The following FHL2 variants were observed in gnomAD, a reference collection of about 807,000 sequenced individuals.
FHL2 encodes four and a half LIM domains protein 2.
Under a neutral mutation model 32.7 loss-of-function variants are expected in FHL2, and 20 were observed. The ratio of observed to expected loss-of-function variants is 0.61; its 90% CI spans 0.43 to 0.89. The LOEUF (loss-of-function observed/expected upper bound fraction) is 0.89, where lower values mean the gene tolerates loss of function less well. Among genes scored for constraint, FHL2 ranks in the 40% least tolerant of loss-of-function variants. The pLI is 0.00. For synonymous variants in FHL2, 123 were observed against 128.1 expected (o/e 0.96, Z 0.27); for missense variants, 311 against 358.6 (o/e 0.87, Z 1.07).
At chr2:105,366,189 G>A (rs1053102331) in intron 5 of FHL2, among the ~76,000 whole-genome samples, 2 of 151,878 alleles carry the variant, frequency 1.3e-5, no homozygotes, top group African/African-American at 4.8e-5. Flanking sequence ...CAGCCTGGGC[G>A]ACAGTGTGAG....
rs1238973061 is a variant in FHL2, at chr2:105,367,566, A to G, written c.501+4T>C. On this transcript the variant is annotated splice_donor_region_variant and intron_variant, in intron 5 of 6. Transcript: ENST00000530340. ...TGCAAGGGCCAAGGGGGCATCTGAG[A>G]TACCTTTTTGCACTGAACGCACTGC... is the stretch of plus-strand genomic sequence containing the variant. 1.2e-6 allele frequency: 2 copies of G among 1,609,714 alleles called. No individual in the cohort carries two copies. Among genetic ancestry groups the G allele is most frequent in the Non-Finnish European group, 1.7e-6 (2 of 1,177,016 alleles).
At chr2:105,386,324 G>A in intron 3 of FHL2, 37 bp downstream of exon 3, 2 of 1,606,012 alleles carry the variant, frequency 1.2e-6, no homozygotes, top group Non-Finnish European at 1.7e-6. Context: ...GTTTCCTAGG[G>A]GAGCGCCGGG....
intron 1 of FHL2, among the ~76,000 whole-genome samples, chr2:105,425,888 G>A (rs1448654415): frequency 6.6e-6 from 1 of 152,066 alleles, no homozygotes; most frequent in Non-Finnish European, 1.5e-5. Flanking sequence ...AAAAACTGAG[G>A]GAATTCAGAG....
chr2:105,395,470 C>A (rs1029260241), intron 2 of FHL2, among the ~76,000 whole-genome samples: 1 of 152,148 alleles, frequency 6.6e-6, no homozygotes, highest in African/African-American at 2.4e-5. Context: ...TGCCTATGAC[C>A]CCCACCCCCA....
chr2:105,374,915 T>C (rs1294152607), intron 3 of FHL2, among the ~76,000 whole-genome samples: 1 of 152,100 alleles, frequency 6.6e-6, no homozygotes, highest in Non-Finnish European at 1.5e-5. Flanking sequence ...AGGCTTCCAG[T>C]TGGTAGGTAT....
chr2:105,402,861 G>T (rs571694550), upstream of FHL2, among the ~76,000 whole-genome samples: 2 of 152,238 alleles, frequency 1.3e-5, no homozygotes, highest in East Asian at 3.8e-4. Context: ...ATAAATATGT[G>T]TATTGAATAA....
At chr2:105,397,585 T>G (rs1683227899) in intron 1 of FHL2, among the ~76,000 whole-genome samples, 1 of 152,184 alleles carries the variant, frequency 6.6e-6, no homozygotes, top group African/African-American at 2.4e-5. Flanking sequence ...AGACAGAACC[T>G]ATGTGCCCAG....
chr2:105,385,210 C>T (rs764860160), intron 3 of FHL2, among the ~76,000 whole-genome samples: 1 of 152,206 alleles, frequency 6.6e-6, no homozygotes. Context: ...CTGCTCAAGG[C>T]AGAGGTCTCT....
intron 5 of FHL2, among the ~76,000 whole-genome samples, chr2:105,363,714 C>T (rs1378196432): frequency 6.6e-6 from 1 of 152,216 alleles, no homozygotes; most frequent in Non-Finnish European, 1.5e-5. Flanking sequence ...CTCAGCCCTT[C>T]CCAGGGATGC....
At chr2:105,425,848 T>A (rs1057211326) in intron 1 of FHL2, among the ~76,000 whole-genome samples, 2 of 152,042 alleles carry the variant, frequency 1.3e-5, no homozygotes, top group African/African-American at 4.8e-5. Context: ...TACATTCCTT[T>A]TTGCTGAAAT....
At chr2:105,418,255 G>A (rs13410039) in intron 1 of FHL2, among the ~76,000 whole-genome samples, 53,941 of 151,934 alleles carry the variant, frequency 0.36, 10,249 homozygotes, top group Admixed American at 0.46. Context: ...TGCTGGGCTT[G>A]TTAAGCTGGA....
chr2:105,383,834 A>C (rs566302643), intron 3 of FHL2, among the ~76,000 whole-genome samples: 7 of 152,360 alleles, frequency 4.6e-5, no homozygotes, highest in African/African-American at 1.7e-4. Flanking sequence ...AAAAGCCCCA[A>C]ATGCCAAGGT....
intron 2 of FHL2, chr2:105,390,327 G>A (rs184214804): frequency 6.6e-6 from 1 of 152,650 alleles, no homozygotes; most frequent in East Asian, 1.9e-4. Flanking sequence ...TGTCATCATG[G>A]TGAATGTCAT....
At chr2:105,419,954 G>C (rs561929957) in intron 1 of FHL2, among the ~76,000 whole-genome samples, 5 of 152,310 alleles carry the variant, frequency 3.3e-5, no homozygotes. Context: ...TTAAGGGAAA[G>C]TGTTCAGTTG....
intron 2 of FHL2, among the ~76,000 whole-genome samples, chr2:105,392,331 G>A (rs1451317376): frequency 3.9e-5 from 6 of 152,058 alleles, no homozygotes; most frequent in East Asian, 3.9e-4. Context: ...AAAATTTGCC[G>A]GGTGTGGTGG....
chr2:105,385,957 T>G (rs767803393), intron 3 of FHL2: 1 of 332,846 alleles, frequency 3.0e-6, no homozygotes. Context: ...GGTTCTCTCA[T>G]GTACACATTC....
upstream of FHL2, among the ~76,000 whole-genome samples, chr2:105,403,844 C>G (rs1462100717): frequency 6.6e-6 from 1 of 152,244 alleles, no homozygotes; most frequent in Non-Finnish European, 1.5e-5. Context: ...TCAGTTACTT[C>G]ACTCAGGGAA....
At chr2:105,415,179 TATAA>T (rs1237850858) in intron 1 of FHL2, among the ~76,000 whole-genome samples, 11 of 152,238 alleles carry the variant, frequency 7.2e-5, no homozygotes, top group Admixed American at 2.0e-4. Flanking sequence ...GCTACACCGC[TATAA>T]ATAGTGAGGC....
intron 1 of FHL2, among the ~76,000 whole-genome samples, chr2:105,429,806 T>A (rs143741862): frequency 6.6e-6 from 1 of 152,200 alleles, no homozygotes; most frequent in Non-Finnish European, 1.5e-5. Flanking sequence ...ATTGTAATTG[T>A]CCCTGCACCA....
Sources: gnomAD v4.1 joint callset for allele counts (sites outside exome capture counted in the v4.1 genomes callset) on GRCh38, gnomAD v4.1.1 for gene constraint, MANE v1.5 for transcripts, NCBI Gene and HGNC (gene_info 2026-07-23, HGNC 2026-07-21) for gene names.